SYT16: variants seen among roughly 807,000 people sequenced by gnomAD.
SYT16 encodes the protein synaptotagmin 16.
In SYT16, 42 loss-of-function variants were observed where a neutral mutation model predicts 61.4. The ratio of observed to expected loss-of-function variants is 0.68; its 90% confidence interval spans 0.53 to 0.89. The LOEUF (loss-of-function observed/expected upper bound fraction) is 0.89, where lower values mean the gene tolerates loss of function less well. Among genes scored for constraint, SYT16 ranks in the 40% least tolerant of loss-of-function variants. The pLI, the probability that SYT16 is intolerant of heterozygous loss-of-function variation, is 0.00. For synonymous variants in SYT16, 314 were observed against 302.3 expected (o/e 1.04, Z -0.40); for missense variants, 804 against 807.3 (o/e 1.00, Z 0.05).
At chr14:61,860,504 G>T (rs537240402) in intron 1 of SYT16, among the ~76,000 whole-genome samples, 1 of 152,188 alleles carries the variant, frequency 6.6e-6, no homozygotes, top group Non-Finnish European at 1.5e-5. Context: ...GGAGCCCTTG[G>T]TTACTGACTT....
At chr14:62,011,926 C>CATATATATATAT (rs142408466) in intron 3 of SYT16, among the ~76,000 whole-genome samples, 9 of 132,822 alleles carry the variant, frequency 6.8e-5, no homozygotes, top group Admixed American at 2.9e-4. Flanking sequence ...CACACACACA[C>CATATATATATAT]ATATATATAT....
chr14:62,076,673 A>T (rs968140680), intron 5 of SYT16, among the ~76,000 whole-genome samples: 4 of 152,248 alleles, frequency 2.6e-5, no homozygotes, highest in Non-Finnish European at 5.9e-5. Flanking sequence ...CATTTTGTTT[A>T]AAAAAAGAAA....
intron 1 of SYT16, among the ~76,000 whole-genome samples, chr14:61,829,235 C>T (rs1316597316): frequency 6.6e-6 from 1 of 151,924 alleles, no homozygotes; most frequent in East Asian, 1.9e-4. Flanking sequence ...GTGCCACTTC[C>T]TTCTGGCCTC....
At chr14:62,013,891 G>A (rs2053562615) in intron 3 of SYT16, among the ~76,000 whole-genome samples, 1 of 151,944 alleles carries the variant, frequency 6.6e-6, no homozygotes, top group South Asian at 2.1e-4. Flanking sequence ...TTGAACCTGG[G>A]AGGCGGAGGT....
chr14:61,847,215 C>G (rs1309800507), intron 1 of SYT16, among the ~76,000 whole-genome samples: 1 of 152,142 alleles, frequency 6.6e-6, no homozygotes, highest in Non-Finnish European at 1.5e-5. Flanking sequence ...CTTCCTTTAG[C>G]ATTTCTTGTT....
intron 1 of SYT16, among the ~76,000 whole-genome samples, chr14:61,919,416 G>A (rs909663733): frequency 5.3e-5 from 8 of 152,194 alleles, no homozygotes; most frequent in South Asian, 2.1e-4. Flanking sequence ...TCAAAAGTTC[G>A]AGACTCATCT....
At chr14:61,916,742 CT>C (rs1018286906) in intron 1 of SYT16, among the ~76,000 whole-genome samples, 3 of 152,128 alleles carry the variant, frequency 2.0e-5, no homozygotes, top group African/African-American at 7.2e-5. Flanking sequence ...CTCCTCTCCC[CT>C]GATCCTTCCC....
chr14:61,923,458 A>G (rs1175264952), intron 1 of SYT16, among the ~76,000 whole-genome samples: 3 of 152,164 alleles, frequency 2.0e-5, no homozygotes, highest in African/African-American at 7.2e-5. Context: ...TTATTACAGA[A>G]TCAAGCAACC....
intron 1 of SYT16, among the ~76,000 whole-genome samples, chr14:61,925,859 G>A (rs2140415006): frequency 6.6e-6 from 1 of 152,266 alleles, no homozygotes; most frequent in Admixed American, 6.5e-5. Flanking sequence ...TTCCCTCAAG[G>A]AAAAGGTGGA....
intron 5 of SYT16, among the ~76,000 whole-genome samples, chr14:62,078,829 T>C (rs1438510531): frequency 1.3e-5 from 2 of 152,186 alleles, no homozygotes; most frequent in Admixed American, 6.5e-5. Context: ...ATGAGAATTA[T>C]ATTGTGTGGG....
At chr14:61,871,289 T>C (rs755925760) in intron 1 of SYT16, among the ~76,000 whole-genome samples, 13 of 152,164 alleles carry the variant, frequency 8.5e-5, no homozygotes, top group Non-Finnish European at 1.5e-4. Flanking sequence ...TTTTTGATTG[T>C]ACCTTTCTGG....
intron 1 of SYT16, among the ~76,000 whole-genome samples, chr14:61,902,987 G>A (rs1272256490): frequency 6.6e-6 from 1 of 152,154 alleles, no homozygotes; most frequent in African/African-American, 2.4e-5. Context: ...GATTTGGGTG[G>A]GGACACAGTC....
intron 1 of SYT16, among the ~76,000 whole-genome samples, chr14:61,944,296 C>G (rs189311831): frequency 0.02 from 3,029 of 152,142 alleles, 58 homozygotes; most frequent in South Asian, 0.031. Flanking sequence ...ATTGTGAAAA[C>G]GGCCATATTG....
intron 1 of SYT16, among the ~76,000 whole-genome samples, chr14:61,962,474 A>C (rs2051153760): frequency 6.6e-6 from 1 of 151,828 alleles, no homozygotes; most frequent in African/African-American, 2.4e-5. Context: ...GTTTAATTCT[A>C]ATGTGTCTCG....
intron 1 of SYT16, among the ~76,000 whole-genome samples, chr14:61,852,888 C>A (rs895823952): frequency 2.0e-5 from 3 of 152,044 alleles, no homozygotes; most frequent in African/African-American, 7.2e-5. Flanking sequence ...AGGTTTATTG[C>A]CTGTTATATT....
At chr14:62,026,696 G>A (rs2054115998) in intron 3 of SYT16, among the ~76,000 whole-genome samples, 2 of 152,094 alleles carry the variant, frequency 1.3e-5, no homozygotes, top group South Asian at 2.1e-4. Flanking sequence ...GTCTGTCTTG[G>A]TTACTACTGT....
chr14:61,988,386 G>A (rs114452112), intron 2 of SYT16, among the ~76,000 whole-genome samples: 1,853 of 152,278 alleles, frequency 0.012, 41 homozygotes, highest in African/African-American at 0.043. Context: ...AGATGCTGAA[G>A]ACCTTATGTG....
rs1566751979 is a variant in SYT16, at chr14:62,000,098, G to GGTTTTT, written c.523+3556_523+3557insGTTTTT. Reference sequence around the variant, plus strand: ...TTTTCTAATACTTATTTTGTCTCTCGATTTTTTTTTTTTTTTTTTTTTTTT... The same window carrying GGTTTTT: ...TTTTCTAATACTTATTTTGTCTCTCGGTTTTTATTTTTTTTTTTTTTTTTTTTTTTT... On this transcript the variant is annotated intron_variant, in intron 3 of 7. Transcript: ENST00000683842. Among the ~76,000 whole-genome samples the GGTTTTT allele has an allele frequency of 1.4e-3, 51 of 35,514 alleles. 1 individual carries two copies. Among genetic ancestry groups the GGTTTTT allele is most frequent in the African/African-American group, 8.0e-3 (43 of 5,380 alleles). The allele number at this position is 35,514 out of a possible 152,430, so 23.3% of individuals were successfully genotyped here. A position where few individuals can be genotyped will look rare whatever the true frequency, so the allele number is the denominator to read the frequency against.
rs917869470 is a variant in SYT16, at chr14:62,070,184, G to T, written c.736+369G>T. On this transcript the variant is annotated intron_variant, in intron 4 of 7. Transcript: ENST00000683842. ...TTGTCCACTGACATTGAGAGTCTGT[G>T]CCATTTCTCCCATTTAGAATCATAA... is the stretch of plus-strand genomic sequence containing the variant. 2.0e-5 allele frequency among the ~76,000 whole-genome samples: 3 copies of T among 152,178 alleles called. No homozygotes were observed. The South Asian group carries it at 6.2e-4, about 31-fold the overall frequency.
Sources: allele counts gnomAD v4.1 joint callset (sites outside exome capture counted in the v4.1 genomes callset), GRCh38; gene constraint gnomAD v4.1.1; transcripts MANE v1.5; gene names NCBI Gene and HGNC (gene_info 2026-07-23, HGNC 2026-07-21).